Variants in VMP1 observed in about 807,000 individuals in gnomAD.
The protein encoded by VMP1 is vacuole membrane protein 1.
Under a neutral mutation model 56.0 loss-of-function variants are expected in VMP1, and 11 were observed. The ratio of observed to expected loss-of-function variants is 0.20; its 90% CI spans 0.12 to 0.32. VMP1 has a LOEUF of 0.32. Among genes scored for constraint, VMP1 ranks in the 10% least tolerant of loss-of-function variants. VMP1 has a pLI of 1.00. For synonymous variants in VMP1, 149 were observed against 165.0 expected (o/e 0.90, Z 0.74); for missense variants, 296 against 490.3 (o/e 0.60, Z 3.74).
At chr17:59,817,795 A>T in intron 10 of VMP1, 22 bp downstream of exon 10, 2 of 1,566,378 alleles carry the variant, frequency 1.3e-6, no homozygotes, top group Non-Finnish European at 1.7e-6. Flanking sequence ...TTCAAGGACT[A>T]ATATTAATAT....
intron 10 of VMP1, among the ~76,000 whole-genome samples, chr17:59,818,087 G>C (rs1204216740): frequency 6.6e-6 from 1 of 152,146 alleles, no homozygotes; most frequent in African/African-American, 2.4e-5. Flanking sequence ...TAAAAGATAT[G>C]TGTATATCAT....
intron 2 of VMP1, among the ~76,000 whole-genome samples, chr17:59,734,852 G>A (rs1218556184): frequency 6.6e-6 from 1 of 151,084 alleles, no homozygotes; most frequent in Admixed American, 6.6e-5. Flanking sequence ...GTAGATAAGG[G>A]GGAACTACTG....
intron 6 of VMP1, among the ~76,000 whole-genome samples, chr17:59,766,065 G>A (rs987801018): frequency 1.3e-5 from 2 of 151,864 alleles, no homozygotes; most frequent in East Asian, 1.9e-4. Flanking sequence ...ATGTATGTAT[G>A]CATTTATTTA....
In VMP1 at chr17:59,834,626, AT is replaced by A. The variant is rs34575746; in HGVS notation, c.975-3653del. Among the ~76,000 whole-genome samples, 124 of 109,694 alleles carry A rather than the reference AT, an allele frequency of 1.1e-3. 1 individual carries two copies. Among genetic ancestry groups the A allele is most frequent in the Middle Eastern group, 0.01 (2 of 198 alleles). 72.0% of individuals were successfully genotyped at this position (109,694 alleles called of 152,430 possible). A position where few individuals can be genotyped will look rare whatever the true frequency, so the allele number is the denominator to read the frequency against. ...AGACACCTGCCACCATGCCCAGCTA[AT>A]TTTTTTTTTTTTTTTGAGACGGAGT... On this transcript the variant is annotated intron_variant, in intron 10 of 11. Coordinates refer to ENST00000262291, the MANE Select transcript of VMP1 (RefSeq NM_030938.5).
chr17:59,742,688 G>A (rs553732863), intron 5 of VMP1, among the ~76,000 whole-genome samples: 315 of 152,106 alleles, frequency 2.1e-3, no homozygotes, highest in African/African-American at 7.4e-3. Flanking sequence ...TAGGAACCAG[G>A]CCACACAGCA....
chr17:59,728,929 T>C (rs904514493), intron 1 of VMP1, among the ~76,000 whole-genome samples: 7 of 152,114 alleles, frequency 4.6e-5, no homozygotes, highest in Admixed American at 3.3e-4. Flanking sequence ...TCACAACTCA[T>C]TGGCAGCTAC....
chr17:59,760,309 T>C (rs535475213), intron 5 of VMP1, among the ~76,000 whole-genome samples: 1 of 152,290 alleles, frequency 6.6e-6, no homozygotes, highest in African/African-American at 2.4e-5. Flanking sequence ...TACATTTTAC[T>C]TCTTGTATAT....
intron 5 of VMP1, among the ~76,000 whole-genome samples, chr17:59,760,231 A>G (rs2036001203): frequency 6.6e-6 from 1 of 152,162 alleles, no homozygotes; most frequent in African/African-American, 2.4e-5. Flanking sequence ...TGTATAAAAT[A>G]TAACAACCTT....
intron 7 of VMP1, among the ~76,000 whole-genome samples, chr17:59,797,874 C>T (rs898213614): frequency 3.9e-5 from 6 of 152,148 alleles, no homozygotes; most frequent in African/African-American, 1.4e-4. Context: ...AACACCATCT[C>T]AAAAAAGTAA....
chr17:59,820,496 G>C (rs1170741933), intron 10 of VMP1, among the ~76,000 whole-genome samples: 1 of 152,142 alleles, frequency 6.6e-6, no homozygotes, highest in Non-Finnish European at 1.5e-5. Flanking sequence ...CCCTCATTGA[G>C]AATCACTGGC....
At chr17:59,755,050 A>G (rs1457648736) in intron 5 of VMP1, among the ~76,000 whole-genome samples, 2 of 134,884 alleles carry the variant, frequency 1.5e-5, no homozygotes, top group Non-Finnish European at 3.0e-5. Flanking sequence ...AGTCAACTGT[A>G]TGATCAAAAG....
chr17:59,734,562 G>C (rs903655661), intron 2 of VMP1, among the ~76,000 whole-genome samples: 6 of 152,094 alleles, frequency 3.9e-5, no homozygotes, highest in African/African-American at 1.4e-4. Context: ...GTGAGACTGT[G>C]TCTCCACAAA....
intron 7 of VMP1, among the ~76,000 whole-genome samples, chr17:59,786,933 A>C (rs2037026152): frequency 1.3e-5 from 2 of 152,228 alleles, no homozygotes; most frequent in Non-Finnish European, 2.9e-5. Context: ...CAAAACTACC[A>C]AGAATTAGTG....
At chr17:59,712,613 A>T (rs1263332361) in intron 1 of VMP1, among the ~76,000 whole-genome samples, 1 of 152,200 alleles carries the variant, frequency 6.6e-6, no homozygotes, top group Non-Finnish European at 1.5e-5. Flanking sequence ...AAGGCAGCAC[A>T]TGAGGGTCTA....
rs1431738621 is a variant in VMP1 at position 59,807,153 on chromosome 17, T to C, written c.715-1643T>C. Among the ~76,000 whole-genome samples, 3 of 152,140 alleles carry C rather than the reference T, an allele frequency of 2.0e-5. No homozygotes were observed. In the East Asian group the frequency reaches 5.8e-4, roughly 29 times the overall value. On this transcript the variant is annotated intron_variant, in intron 7 of 11. Transcript: ENST00000262291. ...TTGCTTTTCTGGCTTTAAACTTTGT[T>C]TCTCCTCTCTATGATAGATCTGTCC...
chr17:59,772,768 CAA>C (rs1209130241), intron 6 of VMP1, among the ~76,000 whole-genome samples: 1 of 134,164 alleles, frequency 7.5e-6, no homozygotes, highest in Non-Finnish European at 1.6e-5. Context: ...GACTTCATCT[CAA>C]AAAAAAAAAG....
At chr17:59,764,766 A>AT (rs1029979519) in intron 5 of VMP1, among the ~76,000 whole-genome samples, 20 of 151,702 alleles carry the variant, frequency 1.3e-4, no homozygotes, top group East Asian at 5.8e-4. Context: ...AATAAATCTG[A>AT]TTTTTTTTTA....
intron 7 of VMP1, among the ~76,000 whole-genome samples, chr17:59,788,224 C>T (rs1159781119): frequency 1.3e-5 from 2 of 152,142 alleles, no homozygotes; most frequent in South Asian, 4.1e-4. Context: ...CGCGTTGGCT[C>T]AGGCCTGTAA....
At chr17:59,807,199 G>GT (rs376878801) in intron 7 of VMP1, among the ~76,000 whole-genome samples, 5,561 of 132,484 alleles carry the variant, frequency 0.042, 370 homozygotes, top group African/African-American at 0.13. Context: ...TTGTTTTTTT[G>GT]TTTTTTTTTT....
Sources: allele counts gnomAD v4.1 joint callset (sites outside exome capture counted in the v4.1 genomes callset), GRCh38; gene constraint gnomAD v4.1.1; transcripts MANE v1.5; gene names NCBI Gene and HGNC (gene_info 2026-07-23, HGNC 2026-07-21).